Variants in NTM observed in about 807,000 individuals in gnomAD.
The protein encoded by NTM is neurotrimin, also known as IgLON family member 2.
NTM carries 13 observed loss-of-function variants against 42.1 expected under a neutral mutation model. The ratio of observed to expected loss-of-function variants is 0.31; its 90% confidence interval spans 0.20 to 0.49. The LOEUF (loss-of-function observed/expected upper bound fraction) is 0.49. Ranked by LOEUF, NTM falls within the 20% of genes least tolerant of loss-of-function variation. The pLI is 0.99. For missense variants in NTM, 373 were observed against 452.8 expected, an observed-to-expected ratio of 0.82 and a Z score of 1.60; for synonymous variants, 187 against 179.2, an observed-to-expected ratio of 1.04 and a Z score of -0.35.
intron 1 of NTM, among the ~76,000 whole-genome samples, chr11:131,847,108 C>A (rs531712967): frequency 1.3e-5 from 2 of 152,104 alleles, no homozygotes; most frequent in Non-Finnish European, 2.9e-5. Context: ...GTTGTAGGGA[C>A]TATGGTTATC....
chr11:132,316,834 C>CTTTTGACAAATATGA (rs2095441655), intron 7 of NTM, among the ~76,000 whole-genome samples: 1 of 152,118 alleles, frequency 6.6e-6, no homozygotes, highest in Admixed American at 6.5e-5. Context: ...TCAATGAGGT[C>CTTTTGACAAATATGA]TTTTGACAAA....
At chr11:131,720,631 T>C (rs954800738) in intron 1 of NTM, among the ~76,000 whole-genome samples, 1 of 152,220 alleles carries the variant, frequency 6.6e-6, no homozygotes, top group Non-Finnish European at 1.5e-5. Flanking sequence ...AGACTTGAAC[T>C]CTTTCTATGA....
At chr11:131,874,206 A>G (rs953918941) in intron 1 of NTM, among the ~76,000 whole-genome samples, 6 of 151,074 alleles carry the variant, frequency 4.0e-5, no homozygotes, top group African/African-American at 1.5e-4. Context: ...AATGTGGCCC[A>G]TCACCTCTCC....
At chr11:132,139,092 T>G (rs1472305901) in intron 2 of NTM, among the ~76,000 whole-genome samples, 1 of 152,126 alleles carries the variant, frequency 6.6e-6, no homozygotes, top group Non-Finnish European at 1.5e-5. Flanking sequence ...ATGGTTGGTC[T>G]CCATGACAGG....
chr11:132,064,985 T>C (rs2081227794), intron 2 of NTM, among the ~76,000 whole-genome samples: 2 of 152,336 alleles, frequency 1.3e-5, no homozygotes, highest in East Asian at 3.9e-4. Context: ...GATGTGTGTG[T>C]ATGTTAAGAT....
chr11:131,633,736 T>C (rs1205251336), intron 1 of NTM, among the ~76,000 whole-genome samples: 6 of 62,400 alleles, frequency 9.6e-5, no homozygotes, highest in African/African-American at 3.0e-4. Flanking sequence ...TCTCTCTCTC[T>C]CCCTCCCTCT....
At chr11:131,721,240 T>C (rs551994976) in intron 1 of NTM, among the ~76,000 whole-genome samples, 42 of 152,288 alleles carry the variant, frequency 2.8e-4, no homozygotes, top group African/African-American at 8.9e-4. Flanking sequence ...AAGATTTCTC[T>C]TTCCTTTATG....
chr11:131,655,802 G>A (rs756712566), intron 1 of NTM, among the ~76,000 whole-genome samples: 2 of 152,258 alleles, frequency 1.3e-5, no homozygotes, highest in Non-Finnish European at 2.9e-5. Flanking sequence ...AGGCAATGAA[G>A]GGAAAGTAAA....
At chr11:131,503,142 G>A (rs1043119173) in intron 1 of NTM, among the ~76,000 whole-genome samples, 1 of 152,208 alleles carries the variant, frequency 6.6e-6, no homozygotes, top group African/African-American at 2.4e-5. Flanking sequence ...GAGTGTGCAT[G>A]CCCACAGGAA....
chr11:132,023,605 C>T (rs2074689208), intron 2 of NTM, among the ~76,000 whole-genome samples: 1 of 152,158 alleles, frequency 6.6e-6, no homozygotes, highest in Admixed American at 6.5e-5. Flanking sequence ...TCACCAAGAG[C>T]ACCCCTCTGT....
intron 1 of NTM, among the ~76,000 whole-genome samples, chr11:131,457,700 A>T (rs1428253737): frequency 4.0e-5 from 6 of 151,610 alleles, no homozygotes; most frequent in Non-Finnish European, 7.3e-5. Flanking sequence ...CATATGTGCA[A>T]TGCACTAAAT....
chr11:131,985,673 G>A (rs993402219), intron 2 of NTM, among the ~76,000 whole-genome samples: 1 of 152,094 alleles, frequency 6.6e-6, no homozygotes, highest in Admixed American at 6.5e-5. Context: ...CGAAGGGCCC[G>A]GGATTAGGCA....
intron 1 of NTM, among the ~76,000 whole-genome samples, chr11:131,559,746 A>T (rs1170687236): frequency 6.6e-6 from 1 of 152,246 alleles, no homozygotes; most frequent in Non-Finnish European, 1.5e-5. Context: ...CTCTAGCTCC[A>T]AAGTGGCTGC....
chr11:132,130,684 A>G (rs1035337705), intron 2 of NTM, among the ~76,000 whole-genome samples: 12 of 152,194 alleles, frequency 7.9e-5, no homozygotes, highest in African/African-American at 2.9e-4. Context: ...TCACCTTGGC[A>G]AAAGTGGAAC....
intron 1 of NTM, among the ~76,000 whole-genome samples, chr11:131,721,817 A>G (rs1245566270): frequency 6.6e-6 from 1 of 151,750 alleles, no homozygotes; most frequent in Non-Finnish European, 1.5e-5. Context: ...ACCAACATGG[A>G]GAAACCCCAT....
At chr11:131,929,152 G>A (rs1422273542) in intron 2 of NTM, among the ~76,000 whole-genome samples, 3 of 150,330 alleles carry the variant, frequency 2.0e-5, no homozygotes, top group Admixed American at 6.6e-5. Context: ...CAGCCAGGGA[G>A]GGAAAGGAGG....
chr11:132,102,806 C>T (rs1377216858), intron 2 of NTM, among the ~76,000 whole-genome samples: 1 of 152,186 alleles, frequency 6.6e-6, no homozygotes, highest in Non-Finnish European at 1.5e-5. Context: ...CCACACTGAC[C>T]TTAGACAGCC....
At chr11:131,375,630 C>T (rs540478119) in intron 1 of NTM, among the ~76,000 whole-genome samples, 3 of 151,954 alleles carry the variant, frequency 2.0e-5, no homozygotes, top group Admixed American at 6.6e-5. Context: ...GGGACTGCAG[C>T]GTGAATGGTG....
At chr11:131,468,102 G>A (rs1184178178) in intron 1 of NTM, among the ~76,000 whole-genome samples, 6 of 152,234 alleles carry the variant, frequency 3.9e-5, no homozygotes, top group Non-Finnish European at 7.3e-5. Flanking sequence ...CATTTAGTAC[G>A]GTGGCTTCCA....
Sources: allele counts gnomAD v4.1 joint callset (sites outside exome capture counted in the v4.1 genomes callset), GRCh38; gene constraint gnomAD v4.1.1; transcripts MANE v1.5; gene names NCBI Gene and HGNC (gene_info 2026-07-23, HGNC 2026-07-21).